RAPGEFL1: variants seen among roughly 807,000 people sequenced by gnomAD.
The protein encoded by RAPGEFL1 is rap guanine nucleotide exchange factor-like 1.
A neutral mutation model predicts 64.4 loss-of-function variants in RAPGEFL1; 31 were observed. The ratio of observed to expected loss-of-function variants is 0.48; its 90% confidence interval spans 0.36 to 0.65. RAPGEFL1 has a LOEUF of 0.65. Ranked by LOEUF, RAPGEFL1 falls within the 30% of genes least tolerant of loss-of-function variation. RAPGEFL1 has a pLI of 0.00. For missense variants in RAPGEFL1, 682 were observed against 677.4 expected, an observed-to-expected ratio of 1.01 and a Z score of -0.08; for synonymous variants, 331 against 274.1, an observed-to-expected ratio of 1.21 and a Z score of -2.05.
chr17:40,188,687 T>G, intron 4 of RAPGEFL1, 179 bp from the exon 5 acceptor site: 1 of 607,100 alleles, frequency 1.6e-6, no homozygotes. Flanking sequence ...TGATTAGGGT[T>G]ACTTGGATAA....
chr17:40,187,752 A>C (rs1250658901), intron 4 of RAPGEFL1, among the ~76,000 whole-genome samples: 1 of 151,584 alleles, frequency 6.6e-6, no homozygotes, highest in Non-Finnish European at 1.5e-5. Flanking sequence ...CTGGGACTAC[A>C]GGCGCCTGCC....
intron 8 of RAPGEFL1, 64 bp downstream of exon 8, chr17:40,190,826 T>TGTTC: frequency 1.3e-6 from 2 of 1,595,160 alleles, no homozygotes. Context: ...TGGGAGACGG[T>TGTTC]GTTCGCAGCA....
rs1598436288 is a variant in RAPGEFL1 at position 40,177,994 on chromosome 17, G to C, written c.133G>C (p.Gly45Arg). 1 of 479,700 alleles carries C rather than the reference G, an allele frequency of 2.1e-6. No individual in the cohort carries two copies. The highest frequency in any genetic ancestry group is 3.1e-5 in the South Asian group (1 of 32,746). The allele number at this position is 479,700 out of a possible 1,614,324, so 29.7% of individuals were successfully genotyped here. The change falls in exon 1 of 15, where the codon GGT becomes CGT. Residue 45 changes from glycine (G) to arginine (R), a missense_variant. Physicochemically the swap from Gly to Arg is moderately radical, Grantham distance 125. This residue lies in a region of RAPGEFL1 where 271 missense variants were observed against 158.0 expected (regional missense o/e 1.72). Transcript: ENST00000620260. ...GGGTGGGGGACCCGGCGGGGGCGGC[G>C]GTCCAGCCGGGGGACAGCGGTCGTT... The part of the protein sequence containing the change: ...GGGGGPGGGG[G>R]PAGGQRSLQR...
intron 11 of RAPGEFL1, 54 bp downstream of exon 11, chr17:40,192,317 C>CT (rs1475783050): frequency 4.5e-6 from 7 of 1,560,788 alleles, no homozygotes; most frequent in Non-Finnish European, 6.2e-6. Context: ...CAGAAACCCT[C>CT]TGTTCCCATA....
chr17:40,195,603 T>C lies in RAPGEFL1; in HGVS notation c.*1815T>C, dbSNP rs781499767. On this transcript the variant is annotated 3_prime_UTR_variant, in exon 15 of 15. Transcript: ENST00000620260. ...TGTATTGTACAGGCGCGGTTGTCAT[T>C]GCAGAAACCGCTGGGTGGAGAAGAA... The C allele has an allele frequency of 1.3e-5, 2 of 152,680 alleles. No homozygotes were observed. The highest frequency in any genetic ancestry group is 2.9e-5 in the Non-Finnish European group (2 of 68,088). The allele number at this position is 152,680 out of a possible 1,614,324, so 9.5% of individuals were successfully genotyped here.
chr17:40,181,741 C>T (rs757276942), intron 2 of RAPGEFL1, 47 bp downstream of exon 2: 1 of 698,854 alleles, frequency 1.4e-6, no homozygotes, highest in African/African-American at 1.7e-5. Flanking sequence ...AAGGGAGCCA[C>T]TCCCTCCGTC....
chr17:40,187,709 C>T (rs1990122153), intron 4 of RAPGEFL1, among the ~76,000 whole-genome samples: 2 of 151,678 alleles, frequency 1.3e-5, no homozygotes, highest in Admixed American at 1.3e-4. Flanking sequence ...CTCCCAGGTT[C>T]ACACCATTCT....
At chr17:40,186,630 G>A (rs898209219) in intron 4 of RAPGEFL1, among the ~76,000 whole-genome samples, 7 of 143,186 alleles carry the variant, frequency 4.9e-5, no homozygotes, top group Non-Finnish European at 9.0e-5. Context: ...GGGTGTGGTG[G>A]CTCATGCCTG....
chr17:40,178,344 G>A lies in RAPGEFL1; in HGVS notation c.483G>A (p.Arg161=). The part of the protein sequence containing the change: ...PEHLLNRVLE[R]LAGGATRDSA... ...ATCTTCTGAACCGGGTTCTGGAGCG[G>A]CTTGCTGGAGGGGCTACCAGGGACA... Residue 161 remains arginine, a synonymous_variant, in exon 1 of 15, where the codon CGG becomes CGA. Coordinates refer to ENST00000620260, the MANE Select transcript of RAPGEFL1 (RefSeq NM_016339.6). 1.8e-6 allele frequency: 1 copy of A among 563,936 alleles called. No individual in the cohort carries two copies. Among genetic ancestry groups the A allele is most frequent in the Non-Finnish European group, 3.2e-6 (1 of 312,724 alleles). The allele number at this position is 563,936 out of a possible 1,614,324, so 34.9% of individuals were successfully genotyped here. A position where few individuals can be genotyped will look rare whatever the true frequency, so the allele number is the denominator to read the frequency against.
In RAPGEFL1 at chr17:40,184,036, G is replaced by A. The variant is rs138056343; in HGVS notation, c.600-178G>A. 3.4e-4 allele frequency among the ~76,000 whole-genome samples: 51 copies of A among 151,724 alleles called. No homozygotes were observed. In the East Asian group the frequency reaches 9.2e-3, roughly 27 times the overall value. On this transcript the variant is annotated intron_variant, in intron 2 of 14. Transcript: ENST00000620260. ...TTTTTGTATTTTTAGTAGAGTCTTCGTTTCACCATGTTGGCCAGACTGGTC... is the reference window on the plus strand; with the variant it reads ...TTTTTGTATTTTTAGTAGAGTCTTCATTTCACCATGTTGGCCAGACTGGTC...
At chr17:40,189,466 C>A in intron 6 of RAPGEFL1, 91 bp downstream of exon 6, 3 of 1,384,544 alleles carry the variant, frequency 2.2e-6, no homozygotes, top group Non-Finnish European at 3.0e-6. Context: ...GAATTCTAGG[C>A]CCTTGCTACT....
At chr17:40,184,540 T>G in intron 3 of RAPGEFL1, 41 bp from the exon 4 acceptor site, 1 of 1,325,440 alleles carries the variant, frequency 7.5e-7, no homozygotes, top group Non-Finnish European at 1.1e-6. Context: ...GCCCTTGGAA[T>G]GAGACCCCTT....
In RAPGEFL1 at chr17:40,191,381, G is replaced by T; in HGVS notation, c.1401G>T (p.Leu467=). ...GCCGGGAGACGGCCAACTTGGAGCTGCTGCTGCAGCGCTGCAGCGAGGTCA... is the reference window on the plus strand; with the variant it reads ...GCCGGGAGACGGCCAACTTGGAGCTTCTGCTGCAGCGCTGCAGCGAGGTCA... ...RGRRETANLE[L]LLQRCSEVTH... is the part of the protein sequence containing the mutation. The change falls in exon 9 of 15, where the codon CTG becomes CTT. Residue 467 remains leucine, a synonymous_variant. Coordinates refer to ENST00000620260, the MANE Select transcript of RAPGEFL1 (RefSeq NM_016339.6). The surrounding 1 kb of genome is among the most constrained non-coding windows in gnomAD (Gnocchi z 5.1). 6.3e-7 allele frequency: 1 copy of T among 1,598,858 alleles called. No homozygotes were observed. The highest frequency in any genetic ancestry group is 8.5e-7 in the Non-Finnish European group (1 of 1,177,370).
At chr17:40,184,699 G>A (rs1233658661) in intron 4 of RAPGEFL1, 21 bp downstream of exon 4, 4 of 1,456,200 alleles carry the variant, frequency 2.7e-6, no homozygotes, top group Non-Finnish European at 3.8e-6. Context: ...GTGGGGCAGG[G>A]GCGGGAACAG....
intron 3 of RAPGEFL1, 56 bp downstream of exon 3, chr17:40,184,405 C>A: frequency 6.8e-7 from 1 of 1,470,786 alleles, no homozygotes; most frequent in Non-Finnish European, 9.3e-7. Flanking sequence ...GGAAGGGGGC[C>A]CCTGTGAAGG....
Position 40,191,204 on chromosome 17 carries a change from T to A in RAPGEFL1, c.1336-112T>A. On this transcript the variant is annotated intron_variant, in intron 8 of 14. Transcript: ENST00000620260. This position sits in a 1 kb window ranked among gnomAD's most constrained non-coding sequence, Gnocchi z 5.1. ...TTTCTATTTTTCTATTTTCCACCCC[T>A]TCCGCCCCCGCCCTCCTGCCTTTCG... 2 of 971,446 alleles carry A rather than the reference T, an allele frequency of 2.1e-6. No homozygotes were observed. Among genetic ancestry groups the A allele is most frequent in the Non-Finnish European group, 2.9e-6 (2 of 685,602 alleles). The allele number at this position is 971,446 out of a possible 1,614,324, so 60.2% of individuals were successfully genotyped here.
intron 4 of RAPGEFL1, among the ~76,000 whole-genome samples, chr17:40,187,437 G>T (rs745377735): frequency 3.9e-5 from 6 of 152,090 alleles, no homozygotes; most frequent in African/African-American, 7.2e-5. Flanking sequence ...TGCTCCCCAT[G>T]CTTCCAAGAG....
At chr17:40,177,449 G>A (rs531595376), upstream of RAPGEFL1, 4 of 651,090 alleles carry the variant, frequency 6.1e-6, no homozygotes, top group East Asian at 2.7e-5. Context: ...TGGAGGAGGG[G>A]GCGCGGTCTC....
rs369245874 is a variant in RAPGEFL1 at position 40,178,777 on chromosome 17, GC to G, written c.520+399del. On this transcript the variant is annotated intron_variant, in intron 1 of 14. Transcript: ENST00000620260. ...CATGCCACCCGCCAGAGGTGCTTTA[GC>G]CCTGAAAACCCTGGGGTCCCTGACT... Among the ~76,000 whole-genome samples the G allele has an allele frequency of 3.5e-4, 53 of 152,340 alleles. 1 individual carries two copies. The East Asian group carries it at 8.9e-3, about 26-fold the overall frequency.
Sources: allele counts gnomAD v4.1 joint callset (sites outside exome capture counted in the v4.1 genomes callset), GRCh38; gene constraint gnomAD v4.1.1; regional missense constraint gnomAD v4.1.1; non-coding constraint Gnocchi (gnomAD v3.1); transcripts MANE v1.5; gene names NCBI Gene and HGNC (gene_info 2026-07-23, HGNC 2026-07-21).